C11orf58: variants seen among roughly 807,000 people sequenced by gnomAD.
The protein encoded by C11orf58 is chromosome 11 open reading frame 58.
C11orf58 carries 5 observed loss-of-function variants against 22.7 expected under a neutral mutation model. The observed-to-expected ratio is 0.22, with a 90% CI of 0.12 to 0.46. The LOEUF is 0.46. C11orf58 is among the 20% of genes least tolerant of loss of function. The pLI is 0.99. For missense variants in C11orf58, 151 were observed against 223.3 expected, an observed-to-expected ratio of 0.68 and a Z score of 2.06; for synonymous variants, 71 against 70.7, an observed-to-expected ratio of 1.00 and a Z score of -0.02.
chr11:16,743,644 G>A (rs1848465181), intron 1 of C11orf58, among the ~76,000 whole-genome samples: 1 of 152,136 alleles, frequency 6.6e-6, no homozygotes, highest in South Asian at 2.1e-4. Flanking sequence ...TCGGTGTTCA[G>A]TGAAAGCTAA....
chr11:16,739,083 G>C (rs892383995), intron 1 of C11orf58, among the ~76,000 whole-genome samples: 6 of 152,142 alleles, frequency 3.9e-5, no homozygotes, highest in Admixed American at 1.3e-4. Context: ...AGGAAATTCT[G>C]AGAGGGTCGA....
In C11orf58 at chr11:16,755,829, T is replaced by G. The variant is rs1336858061; in HGVS notation, c.*725T>G. 6.6e-6 allele frequency: 1 copy of G among 152,626 alleles called. No individual in the cohort carries two copies. Among genetic ancestry groups the G allele is most frequent in the African/African-American group, 2.4e-5 (1 of 41,452 alleles). 9.5% of individuals were successfully genotyped at this position (152,626 alleles called of 1,614,324 possible). On this transcript the variant is annotated 3_prime_UTR_variant, in exon 5 of 5. Transcript: ENST00000228136. ...GAAATATGTAAAACTGGATTTTTTT[T>G]TAAGTAATATGTGACCAAAGTTAAT...
At chr11:16,747,729 A>G (rs569557377) in intron 2 of C11orf58, 2 of 163,438 alleles carry the variant, frequency 1.2e-5, no homozygotes, top group Non-Finnish European at 2.6e-5. Context: ...CAGAAAGAGC[A>G]GGTGGGAAGT....
rs1371702645 is a variant in C11orf58, at chr11:16,758,296, C to T, written c.*3192C>T. On this transcript the variant is annotated 3_prime_UTR_variant, in exon 5 of 5. Transcript: ENST00000228136. The stretch of plus-strand genomic sequence containing the variant: ...TCACCAGTTATTTCTGGAGAAAGAT[C>T]ACCAAATGTATAAATCCGTATTAGT... 1.3e-5 allele frequency among the ~76,000 whole-genome samples: 2 copies of T among 152,176 alleles called. No homozygotes were observed. Among genetic ancestry groups the T allele is most frequent in the Non-Finnish European group, 2.9e-5 (2 of 68,022 alleles).
chr11:16,752,738 A>T (rs1848542949), intron 3 of C11orf58, 47 bp from the exon 4 acceptor site: 2 of 1,358,074 alleles, frequency 1.5e-6, no homozygotes, highest in South Asian at 2.5e-5. Flanking sequence ...TTTTTGTGTA[A>T]ATTATTAATT....
chr11:16,739,384 C>T (rs937966879), intron 1 of C11orf58: 1 of 156,856 alleles, frequency 6.4e-6, no homozygotes, highest in African/African-American at 2.4e-5. Flanking sequence ...GGTACTGGCT[C>T]TGGTGGTGAG....
At chr11:16,740,958 T>TAC (rs1848442806) in intron 1 of C11orf58, among the ~76,000 whole-genome samples, 1 of 151,560 alleles carries the variant, frequency 6.6e-6, no homozygotes, top group Non-Finnish European at 1.5e-5. Flanking sequence ...TAACCGGGCG[T>TAC]GGTAGCGGGC....
chr11:16,749,259 A>G (rs192631222), intron 3 of C11orf58: 7 of 152,358 alleles, frequency 4.6e-5, no homozygotes, highest in Admixed American at 4.6e-4. Context: ...GATTATGTTT[A>G]ACAAAACTTT....
chr11:16,752,973 C>A, intron 4 of C11orf58, 79 bp downstream of exon 4: 4 of 1,083,096 alleles, frequency 3.7e-6, no homozygotes, highest in Non-Finnish European at 4.0e-6. Context: ...ATTACCCTAG[C>A]AATCAAGAAT....
At chr11:16,739,679 C>G (rs890173669) in intron 1 of C11orf58, 2 of 152,026 alleles carry the variant, frequency 1.3e-5, no homozygotes, top group African/African-American at 4.8e-5. Flanking sequence ...AAACGTAAAA[C>G]TAGGTCCTTC....
At chr11:16,753,911 C>T in intron 4 of C11orf58, 1 of 544,374 alleles carries the variant, frequency 1.8e-6, no homozygotes, top group Non-Finnish European at 3.3e-6. Context: ...GTTGCCCAGG[C>T]TGGTCTCAAA....
intron 1 of C11orf58, 75 bp from the exon 2 acceptor site, chr11:16,744,525 AG>A: frequency 8.6e-7 from 1 of 1,160,724 alleles, no homozygotes; most frequent in Non-Finnish European, 1.3e-6. Flanking sequence ...AAAACTTGAG[AG>A]TTACAGGTAG....
At chr11:16,745,939 A>C (rs1351582072) in intron 2 of C11orf58, among the ~76,000 whole-genome samples, 1 of 152,194 alleles carries the variant, frequency 6.6e-6, no homozygotes, top group African/African-American at 2.4e-5. Flanking sequence ...ACATTCATTC[A>C]TTTTCCCAAC....
chr11:16,753,201 C>CT (rs890607388), intron 4 of C11orf58, among the ~76,000 whole-genome samples: 1 of 152,090 alleles, frequency 6.6e-6, no homozygotes, highest in African/African-American at 2.4e-5. Flanking sequence ...CCTCAGCCTC[C>CT]TGAGTAGCTG....
chr11:16,756,292 C>T lies in C11orf58; in HGVS notation c.*1188C>T, dbSNP rs1391119400. ...TTTTTTTTTTTTTTTTTTTTTGAGA[C>T]GGAGTCTCATTCTGTCGCCCAGGCT... On this transcript the variant is annotated 3_prime_UTR_variant, in exon 5 of 5. Transcript: ENST00000228136. The T allele has an allele frequency of 2.8e-4, 31 of 110,738 alleles. No individual in the cohort carries two copies. The highest frequency in any genetic ancestry group is 9.1e-3 in the Middle Eastern group (1 of 110). The allele number at this position is 110,738 out of a possible 1,614,324, so 6.9% of individuals were successfully genotyped here.
At chr11:16,754,046 A>AT in intron 4 of C11orf58, 2 of 416,220 alleles carry the variant, frequency 4.8e-6, no homozygotes, top group Non-Finnish European at 8.6e-6. Context: ...GTTAAGTAAA[A>AT]TATTTCATTT....
At chr11:16,749,949 A>C (rs1365661356) in intron 3 of C11orf58, 1 of 152,198 alleles carries the variant, frequency 6.6e-6, no homozygotes, top group African/African-American at 2.4e-5. Context: ...TACCACTTCC[A>C]TCCATGTCTC....
intron 2 of C11orf58, chr11:16,747,406 C>T (rs1848495752): frequency 6.6e-6 from 1 of 152,118 alleles, no homozygotes; most frequent in Non-Finnish European, 1.5e-5. Flanking sequence ...TTTTAATGAG[C>T]ACTTATGAAA....
In C11orf58 at chr11:16,756,477, G is replaced by C. The variant is rs1348138829; in HGVS notation, c.*1373G>C. The C allele has an allele frequency of 6.6e-6, 1 of 151,826 alleles. No homozygotes were observed. The highest frequency in any genetic ancestry group is 1.5e-5 in the Non-Finnish European group (1 of 68,036). 9.4% of individuals were successfully genotyped at this position (151,826 alleles called of 1,614,324 possible). ...GTAGAGTTGGGGTTTCACGGTGTTA[G>C]CCAGGATCGTCTCGATCTCCTGACC... is the stretch of plus-strand genomic sequence containing the variant. On this transcript the variant is annotated 3_prime_UTR_variant, in exon 5 of 5. Coordinates refer to ENST00000228136, the MANE Select transcript of C11orf58 (RefSeq NM_014267.6).
Sources: allele counts gnomAD v4.1 joint callset (sites outside exome capture counted in the v4.1 genomes callset), GRCh38; gene constraint gnomAD v4.1.1; transcripts MANE v1.5; gene names NCBI Gene and HGNC (gene_info 2026-07-23, HGNC 2026-07-21).